Variants in ITPRID2 observed in about 807,000 individuals in gnomAD.
ITPRID2 encodes the protein protein ITPRID2.
A neutral mutation model predicts 124.3 loss-of-function variants in ITPRID2; 60 were observed. That is an observed-to-expected ratio of 0.48 (90% CI 0.39 to 0.60). ITPRID2 has a LOEUF of 0.60. ITPRID2 is among the 20% of genes least tolerant of loss of function. The pLI is 0.00. For synonymous variants in ITPRID2, 521 were observed against 542.9 expected, an observed-to-expected ratio of 0.96 and a Z score of 0.56; for missense variants, 1,553 against 1,512.2, an observed-to-expected ratio of 1.03 and a Z score of -0.45.
rs1433462519 is a variant in ITPRID2, at chr2:181,893,917, G to A, written c.257+1257G>A. The A allele has an allele frequency of 2.0e-5, 3 of 152,210 alleles. No homozygotes were observed. The East Asian group carries it at 5.8e-4, about 29-fold the overall frequency. 9.4% of individuals were successfully genotyped at this position (152,210 alleles called of 1,614,324 possible). ...AATGTACATGTTCAAGACCTTTTGG[G>A]TGAGATCTGATAAAACTAGTATCTT... On this transcript the variant is annotated intron_variant, in intron 2 of 17. Transcript: ENST00000431877.
chr2:181,923,251 A>G lies in ITPRID2; in HGVS notation c.3675+839A>G, dbSNP rs114624552. Among the ~76,000 whole-genome samples the G allele has an allele frequency of 9.5e-3, 1,450 of 152,328 alleles. 18 individuals are homozygous for G. Among genetic ancestry groups the G allele is most frequent in the African/African-American group, 0.033 (1,382 of 41,580 alleles). On this transcript the variant is annotated intron_variant, in intron 16 of 17. Coordinates refer to ENST00000431877, the MANE Select transcript of ITPRID2 (RefSeq NM_001130445.3). ...TATATCGTTTAAACAGCTCAATGCA[A>G]TTATCTCTGTTTACCTAGTAGTATT... is the stretch of plus-strand genomic sequence containing the variant.
At chr2:181,923,276 T>A (rs1309996038) in intron 16 of ITPRID2, among the ~76,000 whole-genome samples, 1 of 152,256 alleles carries the variant, frequency 6.6e-6, no homozygotes, top group Non-Finnish European at 1.5e-5. Flanking sequence ...CTAGTAGTAT[T>A]CTGTGGATTA....
rs749470092 is a variant in ITPRID2 at position 181,913,846 on chromosome 2, T to G, written c.1488T>G (p.Asp496Glu). ...YQLGLTKSKRDHLLRTASQHS... is the reference protein window; with the variant it reads ...YQLGLTKSKREHLLRTASQHS... ...ATAGCCACATTTTTTTATTCATAGA[T>G]CATCTGTTACGTACTGCAAGTCAGC... The change falls in exon 10 of 18, where the codon GAT (aspartate) becomes GAG (glutamate). Residue 496 changes from aspartate to glutamate, a missense_variant and splice_region_variant. Transcript: ENST00000431877. 4 of 1,608,898 alleles carry G rather than the reference T, an allele frequency of 2.5e-6. No individual in the cohort carries two copies. The highest frequency in any genetic ancestry group is 3.4e-6 in the Non-Finnish European group (4 of 1,178,092).
At chr2:181,909,371 A>G (rs1693417393) in intron 8 of ITPRID2, among the ~76,000 whole-genome samples, 1 of 152,204 alleles carries the variant, frequency 6.6e-6, no homozygotes, top group Non-Finnish European at 1.5e-5. Flanking sequence ...ACTTATAATT[A>G]CCTCAACTGT....
chr2:181,911,473 T>C (rs1217016661), intron 9 of ITPRID2, among the ~76,000 whole-genome samples: 1 of 152,210 alleles, frequency 6.6e-6, no homozygotes, highest in Non-Finnish European at 1.5e-5. Context: ...ATTTTTCTTA[T>C]TAAAGAAGAC....
rs745744734 is a variant in ITPRID2, at chr2:181,902,510, G to GA, written c.1413+51dup. Reference sequence around the variant, plus strand: ...AGACTGGTTTCAAGTTGCAGACTAGGAAAAAAAGTACCAAAAATGCTTATA... The same window carrying GA: ...AGACTGGTTTCAAGTTGCAGACTAGGAAAAAAAAGTACCAAAAATGCTTATA... On this transcript the variant is annotated intron_variant, in intron 8 of 17. Coordinates refer to ENST00000431877, the MANE Select transcript of ITPRID2 (RefSeq NM_001130445.3). This position sits in a 1 kb window ranked among gnomAD's most constrained non-coding sequence, Gnocchi z 4.4. 5.8e-6 allele frequency: 8 copies of GA among 1,380,746 alleles called. No individual in the cohort carries two copies. In the South Asian group the frequency reaches 1.3e-4, roughly 22 times the overall value. The allele number at this position is 1,380,746 out of a possible 1,614,324, so 85.5% of individuals were successfully genotyped here.
At chr2:181,927,808 T>C (rs768204308) in intron 16 of ITPRID2, among the ~76,000 whole-genome samples, 1 of 152,232 alleles carries the variant, frequency 6.6e-6, no homozygotes, top group Non-Finnish European at 1.5e-5. Context: ...CCTTACAAAG[T>C]TAGACAATAC....
intron 17 of ITPRID2, among the ~76,000 whole-genome samples, chr2:181,928,694 C>T (rs930975006): frequency 7.3e-5 from 11 of 151,048 alleles, no homozygotes; most frequent in East Asian, 2.0e-4. Context: ...GGCGGGATCT[C>T]GGCTCACTGC....
chr2:181,898,134 A>G lies in ITPRID2; in HGVS notation c.365-746A>G, dbSNP rs560972799. ...GCTATTTCCATTCATTAAGTAAATA[A>G]TTACTGAGTGCTGTGAGTTAGGCAC... On this transcript the variant is annotated intron_variant, in intron 4 of 17. Transcript: ENST00000431877. Among the ~76,000 whole-genome samples the G allele has an allele frequency of 8.5e-5, 13 of 152,170 alleles. 1 individual carries two copies. The highest frequency in any genetic ancestry group is 2.9e-4 in the African/African-American group (12 of 41,568).
intron 11 of ITPRID2, chr2:181,917,047 C>T (rs1169926387): frequency 2.1e-6 from 2 of 974,784 alleles, no homozygotes; most frequent in Non-Finnish European, 1.2e-6. Context: ...TATGTCTTGT[C>T]ACTTTTAAAG....
At chr2:181,893,109 G>A (rs969490771) in intron 2 of ITPRID2, 1 of 175,366 alleles carries the variant, frequency 5.7e-6, no homozygotes, top group African/African-American at 2.4e-5. Flanking sequence ...TTTTGTTTCT[G>A]TTTGGGGAGC....
intron 14 of ITPRID2, among the ~76,000 whole-genome samples, chr2:181,920,006 TACC>T (rs1694368334): frequency 6.6e-6 from 1 of 152,224 alleles, no homozygotes; most frequent in Non-Finnish European, 1.5e-5. Flanking sequence ...CATGTTTTTG[TACC>T]ACTTTTCATA....
At chr2:181,913,701 T>A in intron 9 of ITPRID2, 144 bp from the exon 10 acceptor site, 2 of 544,308 alleles carry the variant, frequency 3.7e-6, no homozygotes, top group Non-Finnish European at 6.2e-6. Context: ...ATGCATATTT[T>A]TCTAAGAAGC....
intron 8 of ITPRID2, among the ~76,000 whole-genome samples, chr2:181,909,668 A>G (rs1693444586): frequency 6.6e-6 from 1 of 152,110 alleles, no homozygotes; most frequent in African/African-American, 2.4e-5. Context: ...TCCATCAGTT[A>G]TTTTTCTTTG....
At chr2:181,924,240 A>G (rs1211505310) in intron 16 of ITPRID2, among the ~76,000 whole-genome samples, 2 of 152,222 alleles carry the variant, frequency 1.3e-5, no homozygotes, top group Non-Finnish European at 2.9e-5. Context: ...ATTTTGAAGT[A>G]CTTTAAAAGC....
At chr2:181,923,399 CTG>C (rs1178291325) in intron 16 of ITPRID2, among the ~76,000 whole-genome samples, 8 of 152,088 alleles carry the variant, frequency 5.3e-5, no homozygotes, top group African/African-American at 1.9e-4. Flanking sequence ...GACTTCATAT[CTG>C]TAATTTATTT....
At chr2:181,901,011 A>G in intron 7 of ITPRID2, 107 bp downstream of exon 7, 3 of 878,740 alleles carry the variant, frequency 3.4e-6, no homozygotes, top group Non-Finnish European at 5.0e-6. Flanking sequence ...TGGAAAGTAA[A>G]GAGATTGATT....
At chr2:181,895,085 ATTG>A (rs2125059843) in intron 2 of ITPRID2, among the ~76,000 whole-genome samples, 1 of 152,248 alleles carries the variant, frequency 6.6e-6, no homozygotes, top group South Asian at 2.1e-4. Flanking sequence ...AAGAGCTGCC[ATTG>A]TTAGTATACT....
Position 181,902,419 on chromosome 2 carries a change from A to G in ITPRID2, c.1366A>G (p.Ile456Val), listed in dbSNP as rs1399548112. 16 of 1,605,750 alleles carry G rather than the reference A, an allele frequency of 1.0e-5. No individual in the cohort carries two copies. Among genetic ancestry groups the G allele is most frequent in the East Asian group, 8.9e-5 (4 of 44,796 alleles). The change falls in exon 8 of 18, where the codon ATA becomes GTA. Residue 456 changes from isoleucine (I) to valine (V), a missense_variant. Ile to Val is a conservative substitution (Grantham distance 29, BLOSUM62 3). Coordinates refer to ENST00000431877, the MANE Select transcript of ITPRID2 (RefSeq NM_001130445.3). This position sits in a 1 kb window ranked among gnomAD's most constrained non-coding sequence, Gnocchi z 4.4. ...TTGTGCACCACTGACAATACCATCCATAAGAAATATAATGACACAGCAGAA... is the reference window on the plus strand; with the variant it reads ...TTGTGCACCACTGACAATACCATCCGTAAGAAATATAATGACACAGCAGAA... The part of the protein sequence containing the change: ...EPCAPLTIPS[I>V]RNIMTQQKDS...
Sources: gnomAD v4.1 joint callset for allele counts (sites outside exome capture counted in the v4.1 genomes callset) on GRCh38, gnomAD v4.1.1 for gene constraint, Gnocchi (gnomAD v3.1) non-coding constraint, MANE v1.5 for transcripts, NCBI Gene and HGNC (gene_info 2026-07-23, HGNC 2026-07-21) for gene names.